The following TARM1 variants were observed in gnomAD, a reference collection of about 807,000 sequenced individuals.
TARM1 encodes T-cell-interacting, activating receptor on myeloid cells protein 1.
Under a neutral mutation model 30.4 loss-of-function variants are expected in TARM1, and 24 were observed. The ratio of observed to expected loss-of-function variants is 0.79; its 90% CI spans 0.57 to 1.11. The LOEUF is 1.11. Ranked by LOEUF, TARM1 falls within the 50% of genes least tolerant of loss-of-function variation. TARM1 has a pLI of 0.00. For missense variants in TARM1, 323 were observed against 332.8 expected (o/e 0.97, Z 0.23); for synonymous variants, 129 against 138.9 (o/e 0.93, Z 0.50).
intron 1 of TARM1, chr19:54,076,297 C>CTTTCTTTCATTCATTA: frequency 8.1e-7 from 1 of 1,232,640 alleles, no homozygotes; most frequent in South Asian, 1.4e-5. Flanking sequence ...TTCATTCATT[C>CTTTCTTTCATTCATTA]CAGAGACAGA....
At chr19:54,078,214 C>T (rs2146222398) in intron 1 of TARM1, among the ~76,000 whole-genome samples, 1 of 110,258 alleles carries the variant, frequency 9.1e-6, no homozygotes, top group Non-Finnish European at 1.8e-5. Flanking sequence ...GAGGCAGGGT[C>T]TCGCTCTGCT....
chr19:54,077,742 T>G (rs1303910477), intron 1 of TARM1, among the ~76,000 whole-genome samples: 1 of 149,854 alleles, frequency 6.7e-6, no homozygotes, highest in East Asian at 1.9e-4. Context: ...TTTCTTCGTT[T>G]TTTTTTTTTT....
intron 1 of TARM1, 116 bp from the exon 2 acceptor site, chr19:54,076,034 T>G: frequency 2.7e-6 from 4 of 1,456,524 alleles, no homozygotes; most frequent in Non-Finnish European, 3.7e-6. Flanking sequence ...TTAGAGGTCA[T>G]ACGCTCAGGA....
At chr19:54,071,348 T>C (rs893760445) in intron 4 of TARM1, among the ~76,000 whole-genome samples, 32 of 152,186 alleles carry the variant, frequency 2.1e-4, no homozygotes, top group African/African-American at 7.7e-4. Context: ...CTTCGTTTAT[T>C]TGCTCTTTAT....
chr19:54,079,994 C>CT (rs1438040370), intron 1 of TARM1, among the ~76,000 whole-genome samples: 2 of 83,316 alleles, frequency 2.4e-5, no homozygotes, highest in African/African-American at 1.1e-4. Flanking sequence ...CAGAGTGAGA[C>CT]TTTGTCTCAA....
intron 1 of TARM1, among the ~76,000 whole-genome samples, chr19:54,078,675 G>A (rs181523047): frequency 2.6e-5 from 4 of 151,656 alleles, no homozygotes; most frequent in African/African-American, 7.3e-5. Context: ...CCTCATTTTT[G>A]TATTTTTTGT....
rs544170367 is a variant in TARM1, at chr19:54,070,112, C to T, written c.707G>A (p.Arg236Gln). 5.8e-6 allele frequency: 9 copies of T among 1,551,638 alleles called. No homozygotes were observed. The East Asian group carries it at 7.3e-5, about 13-fold the overall frequency. ...SSNYSLGNFV[R>Q]LGLAAVIVVI... is the part of the protein sequence containing the mutation. ...CACAATTACGGCAGCCAGACCCAGT[C>T]GTACGAAGTTACCCAGGGAGTAGTT... Residue 236 changes from arginine to glutamine, a missense_variant, in exon 5 of 5, where the codon CGA (arginine) becomes CAA (glutamine). By Grantham distance (43) the Arg-to-Gln change is conservative (BLOSUM62 1). Coordinates refer to ENST00000432826, the MANE Select transcript of TARM1 (RefSeq NM_001135686.3).
chr19:54,080,468 A>AG (rs1555775704), intron 1 of TARM1, among the ~76,000 whole-genome samples: 2 of 110,962 alleles, frequency 1.8e-5, no homozygotes. Context: ...AAAAAAAAAA[A>AG]AAAGAAAGAG....
chr19:54,070,954 T>G (rs1312067858), intron 4 of TARM1, among the ~76,000 whole-genome samples: 1 of 151,934 alleles, frequency 6.6e-6, no homozygotes, highest in East Asian at 1.9e-4. Context: ...AAACAAAAGA[T>G]GGAATCTTTG....
chr19:54,081,148 C>T (rs1348700778), intron 1 of TARM1, among the ~76,000 whole-genome samples, 159 bp downstream of exon 1: 2 of 152,108 alleles, frequency 1.3e-5, no homozygotes, highest in African/African-American at 4.8e-5. Flanking sequence ...GCAGAGCACT[C>T]GTTTCCAGGG....
intron 1 of TARM1, among the ~76,000 whole-genome samples, chr19:54,076,828 C>G (rs1463147403): frequency 6.6e-6 from 1 of 152,000 alleles, no homozygotes; most frequent in South Asian, 2.1e-4. Context: ...CAGGTGTGCA[C>G]CACCACACCC....
intron 1 of TARM1, among the ~76,000 whole-genome samples, chr19:54,080,452 C>A (rs2072094223): frequency 2.2e-5 from 2 of 89,130 alleles, no homozygotes; most frequent in Non-Finnish European, 2.0e-5. Context: ...AGCGAGACTC[C>A]ATCTCAAAAA....
intron 1 of TARM1, among the ~76,000 whole-genome samples, chr19:54,080,109 A>AGAAAG: frequency 3.8e-5 from 1 of 26,082 alleles, no homozygotes; most frequent in African/African-American, 1.6e-4. Flanking sequence ...GGAAGGAAGG[A>AGAAAG]AGGAAGGAAG....
rs2071772374 is a variant in TARM1, at chr19:54,070,124, C to T, written c.695G>A (p.Gly232Asp). 2 of 1,551,508 alleles carry T rather than the reference C, an allele frequency of 1.3e-6. No homozygotes were observed. The highest frequency in any genetic ancestry group is 2.7e-5 in the African/African-American group (2 of 73,034). Residue 232 changes from glycine (G) to aspartate (D), a missense_variant, in exon 5 of 5, where the codon GGT becomes GAT. Coordinates refer to ENST00000432826, the MANE Select transcript of TARM1 (RefSeq NM_001135686.3). Reference protein sequence around the residue: ...PGTTSSNYSLGNFVRLGLAAV... With the variant: ...PGTTSSNYSLDNFVRLGLAAV... Reference sequence around the variant, plus strand: ...AGCCAGACCCAGTCGTACGAAGTTACCCAGGGAGTAGTTGCTCGATGTGGT... The same window carrying T: ...AGCCAGACCCAGTCGTACGAAGTTATCCAGGGAGTAGTTGCTCGATGTGGT...
intron 1 of TARM1, among the ~76,000 whole-genome samples, chr19:54,076,766 C>T (rs1414206814): frequency 1.3e-5 from 2 of 152,052 alleles, no homozygotes; most frequent in African/African-American, 4.8e-5. Flanking sequence ...TCACTGTAGC[C>T]TCCCAGGCTC....
chr19:54,070,782 T>G (rs1283570745), intron 4 of TARM1, among the ~76,000 whole-genome samples: 2 of 151,036 alleles, frequency 1.3e-5, no homozygotes, highest in Non-Finnish European at 2.9e-5. Context: ...CCGGCTAATT[T>G]TGTATTTTTA....
Position 54,074,058 on chromosome 19 carries a change from G to T in TARM1, c.520C>A (p.Pro174Thr), listed in dbSNP as rs1299484676. Reference sequence around the variant, plus strand: ...GAGAAGTCTATCTCCTTCCCCGCTGGACTCTGCAGCTGGATGGGTGATGGC... The same window carrying T: ...GAGAAGTCTATCTCCTTCCCCGCTGTACTCTGCAGCTGGATGGGTGATGGC... ...GTPSPIQLQSPAGKEIDFSLV... is the reference protein window; with the variant it reads ...GTPSPIQLQSTAGKEIDFSLV... Residue 174 changes from proline to threonine, a missense_variant, in exon 4 of 5, where the codon CCA becomes ACA. Physicochemically the swap from Pro to Thr is conservative, Grantham distance 38. Transcript: ENST00000432826. 6.4e-7 allele frequency: 1 copy of T among 1,551,684 alleles called. No homozygotes were observed. Among genetic ancestry groups the T allele is most frequent in the Admixed American group, 2.0e-5 (1 of 50,980 alleles).
rs2072074908 is a variant in TARM1 at position 54,080,136 on chromosome 19, G to GAAAGAAAGA, written c.34+1170_34+1171insTCTTTCTTT. Among the ~76,000 whole-genome samples the GAAAGAAAGA allele has an allele frequency of 2.8e-4, 18 of 63,776 alleles. 2 individuals are homozygous for GAAAGAAAGA. Among genetic ancestry groups the GAAAGAAAGA allele is most frequent in the African/African-American group, 5.1e-4 (9 of 17,538 alleles). The allele number at this position is 63,776 out of a possible 152,430, so 41.8% of individuals were successfully genotyped here. A position where few individuals can be genotyped will look rare whatever the true frequency, so the allele number is the denominator to read the frequency against. On this transcript the variant is annotated intron_variant, in intron 1 of 4. Transcript: ENST00000432826. The stretch of plus-strand genomic sequence containing the variant: ...GGAAGGAAGGAAGGAAGGAAGGAAG[G>GAAAGAAAGA]AAGAAAGCAAGCAAGCAAGCAAGCA...
chr19:54,077,395 A>G (rs75497078), intron 1 of TARM1, among the ~76,000 whole-genome samples: 34 of 152,150 alleles, frequency 2.2e-4, no homozygotes, highest in African/African-American at 7.9e-4. Flanking sequence ...GAAAAAAAAA[A>G]GAGAAAGAAA....
Sources: allele counts gnomAD v4.1 joint callset (sites outside exome capture counted in the v4.1 genomes callset), GRCh38; gene constraint gnomAD v4.1.1; transcripts MANE v1.5; gene names NCBI Gene and HGNC (gene_info 2026-07-23, HGNC 2026-07-21).